The following CNTN4 variants were observed in gnomAD, a reference collection of about 807,000 sequenced individuals.
CNTN4 encodes the protein contactin 4.
CNTN4 carries 77 observed loss-of-function variants against 122.5 expected under a neutral mutation model. The observed-to-expected ratio is 0.63, with a 90% CI of 0.52 to 0.76. CNTN4 has a LOEUF of 0.76. Ranked by LOEUF, CNTN4 falls within the 30% of genes least tolerant of loss-of-function variation. The probability of loss-of-function intolerance (pLI) is 0.00; values close to 1 mark genes in which losing one functional copy is unlikely to be tolerated. For synonymous variants in CNTN4, 512 were observed against 447.0 expected (o/e 1.15, Z -1.83); for missense variants, 1,256 against 1,259.1 (o/e 1.00, Z 0.04).
intron 2 of CNTN4, among the ~76,000 whole-genome samples, chr3:2,242,513 A>G (rs1192410747): frequency 6.6e-6 from 1 of 152,154 alleles, no homozygotes; most frequent in East Asian, 1.9e-4. Context: ...TGTGAAGCAG[A>G]GACACTTTTT....
chr3:2,099,415 C>G (rs2031701921), intron 1 of CNTN4: 1 of 152,484 alleles, frequency 6.6e-6, no homozygotes, highest in South Asian at 2.1e-4. Flanking sequence ...CCTCTGGCGC[C>G]GGGTTCCCGG....
At chr3:2,279,678 C>G (rs2041644034) in intron 2 of CNTN4, among the ~76,000 whole-genome samples, 1 of 151,682 alleles carries the variant, frequency 6.6e-6, no homozygotes, top group South Asian at 2.1e-4. Context: ...TTTTGTAACC[C>G]AAAATATGCA....
intron 3 of CNTN4, among the ~76,000 whole-genome samples, chr3:2,351,175 G>A (rs116161706): frequency 0.015 from 2,274 of 152,204 alleles, 64 homozygotes; most frequent in African/African-American, 0.052. Context: ...TCCATAATTG[G>A]AGAACTATAT....
chr3:2,413,550 CT>C lies in CNTN4; in HGVS notation c.-89+74328del, dbSNP rs573989340. ...AATATTTTTATATAAACCATGATTTCTTTTTTTTTTTGAGACGGAGTCTCCC... is the reference window on the plus strand; with the variant it reads ...AATATTTTTATATAAACCATGATTTCTTTTTTTTTTGAGACGGAGTCTCCC... On this transcript the variant is annotated intron_variant, in intron 3 of 24. Coordinates refer to ENST00000418658, the MANE Select transcript of CNTN4 (RefSeq NM_175607.3). Among the ~76,000 whole-genome samples the C allele has an allele frequency of 9.6e-3, 1,406 of 146,270 alleles. 11 individuals carry two copies. The highest frequency in any genetic ancestry group is 0.028 in the Middle Eastern group (8 of 284).
intron 3 of CNTN4, among the ~76,000 whole-genome samples, chr3:2,426,051 C>G (rs1451105819): frequency 1.3e-5 from 2 of 152,086 alleles, no homozygotes; most frequent in Non-Finnish European, 2.9e-5. Context: ...TAATTGAATG[C>G]CCTTTATTTC....
In CNTN4 at chr3:2,967,638, T is replaced by C. The variant is rs550787097; in HGVS notation, c.1359-20707T>C. Among the ~76,000 whole-genome samples the C allele has an allele frequency of 2.6e-5, 4 of 152,260 alleles. No individual in the cohort carries two copies. The South Asian group carries it at 8.3e-4, about 32-fold the overall frequency. On this transcript the variant is annotated intron_variant, in intron 13 of 24. Transcript: ENST00000418658. The stretch of plus-strand genomic sequence containing the variant: ...GCAAGATGGAGCTGTTTAGGTCAGA[T>C]CGCTTTTCACTGTCTCAGTTATAAT...
chr3:2,136,861 A>T (rs2034718313), intron 2 of CNTN4, among the ~76,000 whole-genome samples: 1 of 152,218 alleles, frequency 6.6e-6, no homozygotes, highest in African/African-American at 2.4e-5. Context: ...ATCCAACAAC[A>T]TGCAATAAGT....
intron 2 of CNTN4, among the ~76,000 whole-genome samples, chr3:2,211,882 T>A (rs2038637916): frequency 6.6e-6 from 1 of 152,222 alleles, no homozygotes; most frequent in Non-Finnish European, 1.5e-5. Context: ...GGTATGTTTT[T>A]AAAATTTTCC....
intron 6 of CNTN4, among the ~76,000 whole-genome samples, chr3:2,765,007 T>C (rs1046198028): frequency 1.3e-5 from 2 of 152,236 alleles, no homozygotes; most frequent in Non-Finnish European, 2.9e-5. Flanking sequence ...GGCTTTCTGA[T>C]ATTTTTACTA....
chr3:2,182,434 ATTTC>A (rs1453831156), intron 2 of CNTN4, among the ~76,000 whole-genome samples: 2 of 151,716 alleles, frequency 1.3e-5, no homozygotes, highest in Non-Finnish European at 2.9e-5. Context: ...GTTGTAGCTT[ATTTC>A]TTCACTACTA....
At chr3:2,117,649 A>G (rs2033453296) in intron 2 of CNTN4, among the ~76,000 whole-genome samples, 1 of 152,190 alleles carries the variant, frequency 6.6e-6, no homozygotes, top group Non-Finnish European at 1.5e-5. Flanking sequence ...AGCATACAAA[A>G]GATTTTCCTT....
intron 4 of CNTN4, among the ~76,000 whole-genome samples, chr3:2,575,805 T>C (rs1351352351): frequency 1.0e-3 from 110 of 108,680 alleles, no homozygotes; most frequent in African/African-American, 3.9e-3. Context: ...GCTTTCTTCT[T>C]CTTCTTTTTT....
intron 24 of CNTN4, 66 bp from the exon 25 acceptor site, chr3:3,056,054 C>T (rs563086675): frequency 4.2e-6 from 5 of 1,183,030 alleles, no homozygotes; most frequent in Middle Eastern, 2.0e-4. Flanking sequence ...CAAAAAGCCC[C>T]GTGGCCCCTC....
At chr3:2,678,418 G>A (rs998433989) in intron 4 of CNTN4, among the ~76,000 whole-genome samples, 2 of 151,964 alleles carry the variant, frequency 1.3e-5, no homozygotes, top group Non-Finnish European at 2.9e-5. Context: ...TATCTTACTA[G>A]GTAGCTGCTT....
chr3:2,804,066 C>CACACAG (rs2150081426), intron 6 of CNTN4, among the ~76,000 whole-genome samples: 1 of 936 alleles, frequency 1.1e-3, no homozygotes, highest in African/African-American at 4.2e-3. Flanking sequence ...TATATGTCTG[C>CACACAG]ACACACACAC....
chr3:2,771,233 C>T (rs1479560925), intron 6 of CNTN4, among the ~76,000 whole-genome samples: 1 of 152,170 alleles, frequency 6.6e-6, no homozygotes, highest in African/African-American at 2.4e-5. Flanking sequence ...GGTTGAAAAG[C>T]AGGTGAAGAA....
At chr3:2,566,874 T>A (rs946113790) in intron 3 of CNTN4, among the ~76,000 whole-genome samples, 1 of 152,196 alleles carries the variant, frequency 6.6e-6, no homozygotes, top group Non-Finnish European at 1.5e-5. Context: ...TTGAAAAACA[T>A]ACTCTGTTGG....
At chr3:2,618,052 C>CCA (rs1253376745) in intron 4 of CNTN4, among the ~76,000 whole-genome samples, 1 of 152,068 alleles carries the variant, frequency 6.6e-6, no homozygotes, top group Non-Finnish European at 1.5e-5. Flanking sequence ...TGAGCACTAT[C>CCA]CACACACTTA....
chr3:2,867,153 C>A (rs2093732731), intron 8 of CNTN4, among the ~76,000 whole-genome samples: 1 of 152,168 alleles, frequency 6.6e-6, no homozygotes. Context: ...AATTAGAAAT[C>A]TAATTGCTAA....
Sources: gnomAD v4.1 joint callset for allele counts (sites outside exome capture counted in the v4.1 genomes callset) on GRCh38, gnomAD v4.1.1 for gene constraint, MANE v1.5 for transcripts, NCBI Gene and HGNC (gene_info 2026-07-23, HGNC 2026-07-21) for gene names.